JPH3: variants seen among roughly 807,000 people sequenced by gnomAD.
The protein encoded by JPH3 is junctophilin-3.
A neutral mutation model predicts 59.6 loss-of-function variants in JPH3; 11 were observed. That is an observed-to-expected ratio of 0.18 (90% CI 0.12 to 0.31). JPH3 has a LOEUF of 0.31. JPH3 is among the 10% of genes least tolerant of loss of function. The pLI is 1.00. For missense variants in JPH3, 1,202 were observed against 1,105.7 expected, an observed-to-expected ratio of 1.09 and a Z score of -1.24; for synonymous variants, 673 against 483.6, an observed-to-expected ratio of 1.39 and a Z score of -5.14.
chr16:87,656,433 G>A (rs2032504109), intron 2 of JPH3, among the ~76,000 whole-genome samples: 1 of 152,208 alleles, frequency 6.6e-6, no homozygotes, highest in African/African-American at 2.4e-5. Flanking sequence ...AGCTTCCTGT[G>A]GGAATGGGGA....
chr16:87,653,676 G>C (rs966517176), intron 2 of JPH3: 1 of 152,194 alleles, frequency 6.6e-6, no homozygotes, highest in African/African-American at 2.4e-5. Flanking sequence ...TCTCATCACG[G>C]GTGTGCTTAG....
intron 2 of JPH3, among the ~76,000 whole-genome samples, chr16:87,647,359 G>GCAT (rs1302657014): frequency 6.6e-6 from 1 of 151,990 alleles, no homozygotes; most frequent in Non-Finnish European, 1.5e-5. Context: ...TCCTGGGGAG[G>GCAT]CATTTTACTT....
At position 87,603,083 on chromosome 16, in the gene JPH3, T is replaced by A; in HGVS notation, c.-64T>A. The A allele has an allele frequency of 6.3e-7, 1 of 1,597,266 alleles. No individual in the cohort carries two copies. ...ACCCAGGGCCGCCGGCGGCCGCGAC[T>A]CTGCTGTGTCGATCGCCTGAGTCCG... On this transcript the variant is annotated 5_prime_UTR_variant, in exon 1 of 5. Coordinates refer to ENST00000284262, the MANE Select transcript of JPH3 (RefSeq NM_020655.4).
intron 4 of JPH3, among the ~76,000 whole-genome samples, chr16:87,691,676 T>C (rs1366416777): frequency 1.3e-5 from 2 of 152,178 alleles, no homozygotes; most frequent in Non-Finnish European, 2.9e-5. Context: ...AATGCCTGTT[T>C]CTGCCTCTCC....
At chr16:87,680,941 C>T (rs914681258) in intron 2 of JPH3, among the ~76,000 whole-genome samples, 11 of 152,056 alleles carry the variant, frequency 7.2e-5, no homozygotes, top group South Asian at 2.1e-4. Flanking sequence ...TGGGCCCATC[C>T]GGGGAGTTTC....
chr16:87,685,985 C>T (rs979211483), intron 3 of JPH3, among the ~76,000 whole-genome samples: 4 of 152,152 alleles, frequency 2.6e-5, no homozygotes, highest in South Asian at 2.1e-4. Flanking sequence ...CCTAGATCCA[C>T]GCGGCGTCCT....
In JPH3 at chr16:87,669,078, CAG is replaced by C. The variant is rs571484740; in HGVS notation, c.1161-15063_1161-15062del. 1.1e-3 allele frequency among the ~76,000 whole-genome samples: 164 copies of C among 152,362 alleles called. 1 individual carries two copies. The highest frequency in any genetic ancestry group is 5.2e-3 in the East Asian group (27 of 5,182). On this transcript the variant is annotated intron_variant, in intron 2 of 4. Coordinates refer to ENST00000284262, the MANE Select transcript of JPH3 (RefSeq NM_020655.4). The stretch of plus-strand genomic sequence containing the variant: ...ATCGCCGCTGCATCTCCCGGTGGCA[CAG>C]GGGCGTGGAGGCGTGGCGGGCCTTC...
intron 1 of JPH3, among the ~76,000 whole-genome samples, chr16:87,618,256 A>G (rs114360349): frequency 0.01 from 1,536 of 152,320 alleles, 29 homozygotes; most frequent in African/African-American, 0.035. Context: ...AATGCACAGG[A>G]TGGAGCCTAG....
intron 2 of JPH3, among the ~76,000 whole-genome samples, chr16:87,669,814 G>T (rs1367367283): frequency 2.0e-5 from 3 of 152,194 alleles, no homozygotes; most frequent in Non-Finnish European, 4.4e-5. Context: ...CCTGCAGGCA[G>T]CCAGTGTGGA....
intron 2 of JPH3, among the ~76,000 whole-genome samples, chr16:87,668,358 C>G (rs76679130): frequency 0.059 from 8,994 of 152,266 alleles, 365 homozygotes; most frequent in Non-Finnish European, 0.089. Flanking sequence ...AGTTCCCAGG[C>G]TTGTGTCCCT....
chr16:87,667,271 G>T (rs187119834), intron 2 of JPH3, among the ~76,000 whole-genome samples: 1 of 152,238 alleles, frequency 6.6e-6, no homozygotes, highest in Non-Finnish European at 1.5e-5. Context: ...CTCAAGAGCC[G>T]TACCTTGATC....
chr16:87,653,259 T>A (rs1183991309), intron 2 of JPH3, among the ~76,000 whole-genome samples: 1 of 152,186 alleles, frequency 6.6e-6, no homozygotes, highest in Non-Finnish European at 1.5e-5. Flanking sequence ...CAGATCCCTT[T>A]GTGTCTCCAG....
intron 1 of JPH3, among the ~76,000 whole-genome samples, chr16:87,624,569 G>A (rs894923296): frequency 1.3e-5 from 2 of 152,246 alleles, no homozygotes; most frequent in Non-Finnish European, 2.9e-5. Context: ...GATGGCTCAT[G>A]GGTGGAAACA....
intron 2 of JPH3, among the ~76,000 whole-genome samples, chr16:87,663,138 G>A (rs990060592): frequency 4.0e-5 from 5 of 123,586 alleles, no homozygotes; most frequent in East Asian, 4.0e-4. Flanking sequence ...AGATGGAGTC[G>A]CGCCCTGTCA....
At chr16:87,612,363 G>A (rs568646015) in intron 1 of JPH3, among the ~76,000 whole-genome samples, 38 of 152,264 alleles carry the variant, frequency 2.5e-4, no homozygotes, top group Non-Finnish European at 3.5e-4. Context: ...GAGCTCAAGC[G>A]ATCCGCCCAC....
rs9934067 is a variant in JPH3, at chr16:87,644,470, G to C, written c.595G>C (p.Val199Leu). The C allele has an allele frequency of 3.7e-6, 6 of 1,612,708 alleles. No homozygotes were observed. The East Asian group carries it at 6.7e-5, about 18-fold the overall frequency. ...PAVSRGGFVL[V>L]AHSDSEILKS... ...CGTGTCCCGCGGGGGCTTCGTGCTCGTGGCCCACAGTGACTCCGAGATCCT... is the reference window on the plus strand; with the variant it reads ...CGTGTCCCGCGGGGGCTTCGTGCTCCTGGCCCACAGTGACTCCGAGATCCT... Residue 199 changes from valine (V) to leucine (L), a missense_variant, in exon 2 of 5, where the codon GTG (valine) becomes CTG (leucine). Transcript: ENST00000284262.
intron 2 of JPH3, among the ~76,000 whole-genome samples, chr16:87,678,274 T>C (rs1023535927): frequency 4.6e-5 from 7 of 151,656 alleles, no homozygotes; most frequent in African/African-American, 7.3e-5. Context: ...CCAGGCGTGG[T>C]GGCTCACATC....
chr16:87,601,936 C>G (rs1302221071), upstream of JPH3: 1 of 152,550 alleles, frequency 6.6e-6, no homozygotes, highest in Non-Finnish European at 1.5e-5. Flanking sequence ...CTGGGGTAAG[C>G]CCCCCTCCCC....
intron 2 of JPH3, among the ~76,000 whole-genome samples, chr16:87,649,278 G>C (rs1194885858): frequency 6.6e-6 from 1 of 152,168 alleles, no homozygotes; most frequent in African/African-American, 2.4e-5. Context: ...CTGCCGTGTC[G>C]CCTAGCAGTG....
Sources: gnomAD v4.1 joint callset for allele counts (sites outside exome capture counted in the v4.1 genomes callset) on GRCh38, gnomAD v4.1.1 for gene constraint, MANE v1.5 for transcripts, NCBI Gene and HGNC (gene_info 2026-07-23, HGNC 2026-07-21) for gene names.